SI: variants seen among roughly 807,000 people sequenced by gnomAD.
SI encodes the protein sucrase-isomaltase, also known as sucrase-isomaltase, intestinal.
In SI, 235 loss-of-function variants were observed where a neutral mutation model predicts 253.3. The ratio of observed to expected loss-of-function variants is 0.93; its 90% CI spans 0.83 to 1.03. SI has a LOEUF of 1.03. Ranked by LOEUF, SI falls within the 50% of genes least tolerant of loss-of-function variation. The probability of loss-of-function intolerance (pLI) is 0.00; values close to 1 mark genes in which losing one functional copy is unlikely to be tolerated. For missense variants in SI, 2,442 were observed against 2,211.1 expected (o/e 1.10, Z -2.09); for synonymous variants, 819 against 712.0 (o/e 1.15, Z -2.39).
rs1462662903 is a variant in SI at position 165,046,922 on chromosome 3, T to G, written c.1806A>C (p.Leu602Phe). 1.2e-6 allele frequency: 2 copies of G among 1,613,116 alleles called. No individual in the cohort carries two copies. Among genetic ancestry groups the G allele is most frequent in the Non-Finnish European group, 1.7e-6 (2 of 1,179,408 alleles). ...GTTCCCATGAAGCAGTATTGTCTCC[T>G]AACCAATGCGCAGCATGTCTTCCAG... ...AGSGRHAAHW[L>F]GDNTASWEQM... The change falls in exon 16 of 48, where the codon TTA (leucine) becomes TTC (phenylalanine). Residue 602 changes from leucine to phenylalanine, a missense_variant. Physicochemically the swap from Leu to Phe is conservative, Grantham distance 22. Transcript: ENST00000264382.
rs182992081 is a variant in SI, at chr3:164,982,999, T to A, written c.5247+3A>T. The A allele has an allele frequency of 5.8e-4, 907 of 1,552,578 alleles. 4 individuals carry two copies. The highest frequency in any genetic ancestry group is 5.5e-5 in the Non-Finnish European group (62 of 1,133,284). On this transcript the variant is annotated splice_donor_region_variant and intron_variant, in intron 46 of 47. Transcript: ENST00000264382. Reference sequence around the variant, plus strand: ...AGAATTGCATATAAATAATCTTACATACCTGGTTTAAATTAAATTGTACAG... The same window carrying A: ...AGAATTGCATATAAATAATCTTACAAACCTGGTTTAAATTAAATTGTACAG...
intron 35 of SI, among the ~76,000 whole-genome samples, chr3:165,008,334 T>C (rs1347782154): frequency 6.6e-6 from 1 of 152,022 alleles, no homozygotes; most frequent in African/African-American, 2.4e-5. Context: ...CTGAGCCTGA[T>C]ATCAATTGCT....
At chr3:165,087,213 G>A in the SI span, among the ~76,000 whole-genome samples, 3 of 152,086 alleles carry the variant, frequency 2.0e-5, no homozygotes, top group Non-Finnish European at 4.4e-5. Context: ...CCACCAGGAG[G>A]GTCTCCTTGC....
chr3:165,060,228 C>A (rs945349103), intron 9 of SI, among the ~76,000 whole-genome samples: 1 of 151,898 alleles, frequency 6.6e-6, no homozygotes, highest in African/African-American at 2.4e-5. Context: ...TTAACAAGTT[C>A]ATGTCTTGTA....
At chr3:165,050,312 C>T (rs1228997746) in intron 13 of SI, among the ~76,000 whole-genome samples, 2 of 152,114 alleles carry the variant, frequency 1.3e-5, no homozygotes, top group Non-Finnish European at 2.9e-5. Context: ...AGCTCCTATA[C>T]ACTCATAAAA....
chr3:165,034,364 T>C (rs1311678224), intron 22 of SI, among the ~76,000 whole-genome samples: 1 of 151,972 alleles, frequency 6.6e-6, no homozygotes, highest in Non-Finnish European at 1.5e-5. Flanking sequence ...AGACAGTATG[T>C]ATTTGGAGTA....
chr3:165,032,805 C>T (rs973862408), intron 23 of SI, 113 bp from the exon 24 acceptor site: 5 of 633,738 alleles, frequency 7.9e-6, no homozygotes, highest in Non-Finnish European at 1.4e-5. Context: ...CTATTCCCAC[C>T]AGCTCTCCTC....
upstream of SI, among the ~76,000 whole-genome samples, chr3:165,080,857 A>C (rs1715294481): frequency 6.6e-6 from 1 of 152,000 alleles, no homozygotes; most frequent in Admixed American, 6.6e-5. Context: ...CATATGTAAC[A>C]AACCTGCACA....
At chr3:165,050,920 T>C (rs188118853) in intron 13 of SI, among the ~76,000 whole-genome samples, 237 of 152,208 alleles carry the variant, frequency 1.6e-3, no homozygotes, top group Non-Finnish European at 2.7e-3. Flanking sequence ...ATATTAACTT[T>C]GCAATCATTA....
chr3:165,067,231 A>AC (rs1714291070), intron 6 of SI, 109 bp downstream of exon 6: 1 of 810,780 alleles, frequency 1.2e-6, no homozygotes, highest in Non-Finnish European at 1.9e-6. Flanking sequence ...CTATCCACCT[A>AC]CCCTCTTTTG....
Position 164,992,163 on chromosome 3 carries a change from C to CCTTAAATA in SI, c.4983+6_4983+13dup. The stretch of plus-strand genomic sequence containing the variant: ...TCTGTTTAGTTAATTCCCCAGAATT[C>CCTTAAATA]CTTAAATACTTACTGTATGGTAGTC... On this transcript the variant is annotated intron_variant, in intron 43 of 47. Transcript: ENST00000264382. 1 of 1,603,250 alleles carries CCTTAAATA rather than the reference C, an allele frequency of 6.2e-7. No homozygotes were observed. The highest frequency in any genetic ancestry group is 8.5e-7 in the Non-Finnish European group (1 of 1,172,008).
At chr3:165,059,518 G>C (rs1382060233) in intron 10 of SI, among the ~76,000 whole-genome samples, 5 of 151,904 alleles carry the variant, frequency 3.3e-5, no homozygotes, top group African/African-American at 1.2e-4. Context: ...ATATTTGTCA[G>C]TGATAATGAC....
In SI at chr3:165,046,967, G is replaced by T. The variant is rs763097047; in HGVS notation, c.1761C>A (p.Thr587=). ...VFPNKRSFIL[T]RSTFAGSGRH... ...TTCCAGATCCAGCAAATGTTGAGCG[G>T]GTAAGAATGAAGCTTCTCTTATTAG... The change falls in exon 16 of 48, where the codon ACC becomes ACA. Residue 587 remains threonine (T), a synonymous_variant. Coordinates refer to ENST00000264382, the MANE Select transcript of SI (RefSeq NM_001041.4). 1 of 1,611,166 alleles carries T rather than the reference G, an allele frequency of 6.2e-7. No individual in the cohort carries two copies. Among genetic ancestry groups the T allele is most frequent in the African/African-American group, 1.3e-5 (1 of 74,808 alleles).
chr3:165,009,173 T>C (rs1718654537), intron 35 of SI, 106 bp downstream of exon 35: 6 of 801,892 alleles, frequency 7.5e-6, no homozygotes, highest in African/African-American at 1.7e-5. Flanking sequence ...AGTGGACTAG[T>C]TTTCAAATAA....
chr3:164,986,342 T>C (rs1717434678), intron 45 of SI, among the ~76,000 whole-genome samples: 1 of 152,140 alleles, frequency 6.6e-6, no homozygotes, highest in African/African-American at 2.4e-5. Context: ...AGCCTAGAAA[T>C]GTTACTCTCT....
upstream of SI, among the ~76,000 whole-genome samples, chr3:165,081,550 T>C (rs1413845138): frequency 6.6e-6 from 1 of 152,036 alleles, no homozygotes; most frequent in East Asian, 1.9e-4. Flanking sequence ...TGATTTAATA[T>C]ACTAGTTTTA....
intron 10 of SI, 145 bp from the exon 11 acceptor site, chr3:165,059,444 C>A (rs1330428678): frequency 1.2e-6 from 1 of 807,724 alleles, no homozygotes; most frequent in South Asian, 1.6e-5. Flanking sequence ...ACTAAAGAAG[C>A]AATTGTACTG....
At chr3:164,997,478 C>T (rs1379659408) in intron 38 of SI, among the ~76,000 whole-genome samples, 1 of 150,080 alleles carries the variant, frequency 6.7e-6, no homozygotes, top group Non-Finnish European at 1.5e-5. Context: ...GATTTATATT[C>T]CCTAGAATCT....
Position 165,065,284 on chromosome 3 carries a change from TA to T in SI, c.783del (p.Phe261LeufsTer36). 6.2e-7 allele frequency: 1 copy of T among 1,606,230 alleles called. No homozygotes were observed. The highest frequency in any genetic ancestry group is 8.5e-7 in the Non-Finnish European group (1 of 1,174,920). On this transcript the variant is annotated frameshift_variant, in exon 7 of 48. Transcript: ENST00000264382. LOFTEE classifies it high-confidence loss of function. ...ACATCACCAGGAAGTTGGTCTCGAG[TA>T]AAAATTGGCCATGTTTTCCAGGATA... ...HDLSWKTWPI[F>X]TRDQLPGDNN...
Sources: allele counts gnomAD v4.1 joint callset (sites outside exome capture counted in the v4.1 genomes callset), GRCh38; gene constraint gnomAD v4.1.1; transcripts MANE v1.5; gene names NCBI Gene and HGNC (gene_info 2026-07-23, HGNC 2026-07-21).